The following RGS17 variants were observed in gnomAD, a reference collection of about 807,000 sequenced individuals.
RGS17 encodes the protein regulator of G-protein signaling 17.
In RGS17, 12 loss-of-function variants were observed where a neutral mutation model predicts 25.5. That is an observed-to-expected ratio of 0.47 (90% CI 0.30 to 0.76). The LOEUF (loss-of-function observed/expected upper bound fraction) is 0.76, where lower values mean the gene tolerates loss of function less well. RGS17 is among the 30% of genes least tolerant of loss of function. The pLI is 0.07. For missense variants in RGS17, 196 were observed against 242.2 expected, an observed-to-expected ratio of 0.81 and a Z score of 1.27; for synonymous variants, 71 against 76.9, an observed-to-expected ratio of 0.92 and a Z score of 0.40.
chr6:153,045,232 T>C (rs1776372678), intron 1 of RGS17, among the ~76,000 whole-genome samples: 1 of 152,124 alleles, frequency 6.6e-6, no homozygotes, highest in Non-Finnish European at 1.5e-5. Flanking sequence ...ATTCTGCAAT[T>C]CAGATATTGA....
chr6:153,031,687 A>G (rs1779365161), intron 2 of RGS17, among the ~76,000 whole-genome samples: 1 of 152,202 alleles, frequency 6.6e-6, no homozygotes, highest in Admixed American at 6.5e-5. Context: ...TAATTGTGGT[A>G]TTGCAAGTGT....
chr6:153,011,601 A>T lies in RGS17; in HGVS notation c.606T>A (p.Ser202Arg), dbSNP rs774316988. 15 of 1,610,092 alleles carry T rather than the reference A, an allele frequency of 9.3e-6. No homozygotes were observed. Among genetic ancestry groups the T allele is most frequent in the Non-Finnish European group, 3.4e-6 (4 of 1,177,546 alleles). ...NSQIYKSFVE[S>R]TAGSSSES ...AAGATTCAGAAGAAGAGCCAGCAGT[A>T]CTTTCAACAAATGACTTATAAATTT... The change falls in exon 5 of 5, where the codon AGT (serine) becomes AGA (arginine). Residue 202 changes from serine to arginine, a missense_variant. Coordinates refer to ENST00000206262, the MANE Select transcript of RGS17 (RefSeq NM_012419.5).
chr6:153,036,353 C>G (rs1776239244), intron 2 of RGS17, among the ~76,000 whole-genome samples: 1 of 152,108 alleles, frequency 6.6e-6, no homozygotes, highest in Admixed American at 6.6e-5. Context: ...GTGCCCGGCC[C>G]CCTTGCTGCG....
intron 1 of RGS17, among the ~76,000 whole-genome samples, chr6:153,064,277 C>A (rs900629604): frequency 6.6e-6 from 1 of 152,032 alleles, no homozygotes; most frequent in African/African-American, 2.4e-5. Context: ...ATAATAACTT[C>A]AACAACTTTT....
rs1776514025 is a variant in RGS17 at position 153,054,065 on chromosome 6, TACA to T, written c.-25-10025_-25-10023del. 9.8e-5 allele frequency among the ~76,000 whole-genome samples: 5 copies of T among 50,762 alleles called. 1 individual carries two copies. In the East Asian group the frequency reaches 1.9e-3, roughly 19 times the overall value. The allele number at this position is 50,762 out of a possible 152,430, so 33.3% of individuals were successfully genotyped here. On this transcript the variant is annotated intron_variant, in intron 1 of 4. Coordinates refer to ENST00000206262, the MANE Select transcript of RGS17 (RefSeq NM_012419.5). Reference sequence around the variant, plus strand: ...TATGTATATATGTATATAATATATATACATATATATATACACACAATATTTTTT... The same window carrying T: ...TATGTATATATGTATATAATATATATTATATATATACACACAATATTTTTT...
chr6:153,046,498 C>T (rs1200756714), intron 1 of RGS17, among the ~76,000 whole-genome samples: 1 of 150,948 alleles, frequency 6.6e-6, no homozygotes, highest in Non-Finnish European at 1.5e-5. Flanking sequence ...TATTATTTGT[C>T]AATTAAAAAT....
rs74686552 is a variant in RGS17, at chr6:153,030,389, C to T, written c.120-3846G>A. On this transcript the variant is annotated intron_variant, in intron 2 of 4. Transcript: ENST00000206262. Reference sequence around the variant, plus strand: ...TAAAATGGTTGCAAAGAAGATAAAACTTACCAGTAGCCATGGTAACTCTGG... The same window carrying T: ...TAAAATGGTTGCAAAGAAGATAAAATTTACCAGTAGCCATGGTAACTCTGG... 5.5e-3 allele frequency among the ~76,000 whole-genome samples: 843 copies of T among 152,296 alleles called. 6 individuals are homozygous for T. The highest frequency in any genetic ancestry group is 0.019 in the African/African-American group (807 of 41,572).
chr6:153,104,789 C>T (rs1482273188), intron 1 of RGS17, among the ~76,000 whole-genome samples: 2 of 150,770 alleles, frequency 1.3e-5, no homozygotes, highest in Non-Finnish European at 2.9e-5. Context: ...CGCCACTGCA[C>T]TCCAGCCTGG....
At chr6:153,054,009 CGT>C (rs1776508395) in intron 1 of RGS17, among the ~76,000 whole-genome samples, 1 of 39,240 alleles carries the variant, frequency 2.5e-5, no homozygotes, top group African/African-American at 9.6e-5. Context: ...TACATATATA[CGT>C]ATATATGTAT....
At chr6:153,070,708 CATAT>C (rs138633492) in intron 1 of RGS17, among the ~76,000 whole-genome samples, 5 of 125,976 alleles carry the variant, frequency 4.0e-5, no homozygotes, top group Non-Finnish European at 6.7e-5. Flanking sequence ...TGTGTATATA[CATAT>C]ATATATACAC....
chr6:153,010,795 TC>T lies in RGS17; in HGVS notation c.*778del, dbSNP rs942187851. The T allele has an allele frequency of 6.6e-5, 10 of 152,002 alleles. No homozygotes were observed. Among genetic ancestry groups the T allele is most frequent in the African/African-American group, 2.4e-4 (10 of 41,428 alleles). The allele number at this position is 152,002 out of a possible 1,614,324, so 9.4% of individuals were successfully genotyped here. A position where few individuals can be genotyped will look rare whatever the true frequency, so the allele number is the denominator to read the frequency against. Reference sequence around the variant, plus strand: ...TGATATATACATAAATTCATTTTCTTCTATTACAGTTAAAAGCAATATCACT... The same window carrying T: ...TGATATATACATAAATTCATTTTCTTTATTACAGTTAAAAGCAATATCACT... On this transcript the variant is annotated 3_prime_UTR_variant, in exon 5 of 5. Coordinates refer to ENST00000206262, the MANE Select transcript of RGS17 (RefSeq NM_012419.5).
At chr6:153,129,127 T>C (rs993375738) in intron 1 of RGS17, among the ~76,000 whole-genome samples, 2 of 152,222 alleles carry the variant, frequency 1.3e-5, no homozygotes, top group African/African-American at 2.4e-5. Flanking sequence ...CTCAATCTTT[T>C]TGTAATAACG....
At chr6:153,117,979 C>T (rs999155807) in intron 1 of RGS17, among the ~76,000 whole-genome samples, 1 of 152,144 alleles carries the variant, frequency 6.6e-6, no homozygotes, top group African/African-American at 2.4e-5. Context: ...GAAGAAGGGA[C>T]CACATTAGGA....
chr6:153,042,327 T>C (rs937447817), intron 2 of RGS17, among the ~76,000 whole-genome samples: 1 of 152,214 alleles, frequency 6.6e-6, no homozygotes, highest in Admixed American at 6.5e-5. Flanking sequence ...ATAATCCCCA[T>C]GTGTCATGGG....
rs1025603658 is a variant in RGS17, at chr6:153,116,439, A to G, written c.-26+14685T>C. On this transcript the variant is annotated intron_variant, in intron 1 of 4. Transcript: ENST00000206262. ...CAGGAAACAACAGATGCTGGAGAGG[A>G]TGTGGAGAAATAGGAACGCTTTTAC... Among the ~76,000 whole-genome samples, 48 of 152,292 alleles carry G rather than the reference A, an allele frequency of 3.2e-4. 1 individual carries two copies. The highest frequency in any genetic ancestry group is 8.3e-4 in the South Asian group (4 of 4,822).
At chr6:153,080,040 G>T (rs534056067) in intron 1 of RGS17, among the ~76,000 whole-genome samples, 1 of 152,254 alleles carries the variant, frequency 6.6e-6, no homozygotes, top group African/African-American at 2.4e-5. Flanking sequence ...GGAGGGCAGT[G>T]GTGCGATCTC....
intron 2 of RGS17, among the ~76,000 whole-genome samples, chr6:153,038,942 T>G (rs894733157): frequency 1.3e-5 from 2 of 152,178 alleles, no homozygotes; most frequent in Non-Finnish European, 2.9e-5. Flanking sequence ...GTCTGGAAAC[T>G]CTGGGAACTA....
At chr6:153,100,588 C>T (rs944445345) in intron 1 of RGS17, among the ~76,000 whole-genome samples, 7 of 152,032 alleles carry the variant, frequency 4.6e-5, no homozygotes, top group Non-Finnish European at 5.9e-5. Context: ...AGTTTAAATG[C>T]CAATATATCT....
At chr6:153,085,125 C>T (rs553109235) in intron 1 of RGS17, among the ~76,000 whole-genome samples, 36 of 152,232 alleles carry the variant, frequency 2.4e-4, no homozygotes, top group African/African-American at 8.7e-4. Flanking sequence ...ACAGGACATA[C>T]TGTTTGTTTT....
Sources: gnomAD v4.1 joint callset for allele counts (sites outside exome capture counted in the v4.1 genomes callset) on GRCh38, gnomAD v4.1.1 for gene constraint, MANE v1.5 for transcripts, NCBI Gene and HGNC (gene_info 2026-07-23, HGNC 2026-07-21) for gene names.